The following SCN10A variants were observed in gnomAD, a reference collection of about 807,000 sequenced individuals.
SCN10A encodes the protein sodium voltage-gated channel alpha subunit 10.
Under a neutral mutation model 170.7 loss-of-function variants are expected in SCN10A, and 162 were observed. The ratio of observed to expected loss-of-function variants is 0.95; its 90% confidence interval spans 0.84 to 1.08. SCN10A has a LOEUF of 1.08. Among genes scored for constraint, SCN10A ranks in the 50% least tolerant of loss-of-function variants. The probability of loss-of-function intolerance (pLI) is 0.00; values close to 1 mark genes in which losing one functional copy is unlikely to be tolerated. For synonymous variants in SCN10A, 985 were observed against 904.6 expected, an observed-to-expected ratio of 1.09 and a Z score of -1.59; for missense variants, 2,527 against 2,436.9, an observed-to-expected ratio of 1.04 and a Z score of -0.78.
At chr3:38,719,427 TC>T (rs1323395773) in intron 20 of SCN10A, among the ~76,000 whole-genome samples, 1 of 121,012 alleles carries the variant, frequency 8.3e-6, no homozygotes, top group Non-Finnish European at 1.6e-5. Flanking sequence ...GGAGTCTCGC[TC>T]TGTCGCCCAG....
rs62242430 is a variant in SCN10A, at chr3:38,712,685, T to C, written c.3805-240A>G. ...TTCAGGGTGGGTTGCAGTGAGAAGA[T>C]GGATGAGTTTACAAGCATACTGCAC... On this transcript the variant is annotated intron_variant, in intron 22 of 27. Coordinates refer to ENST00000449082, the MANE Select transcript of SCN10A (RefSeq NM_006514.4). Among the ~76,000 whole-genome samples, 38,676 of 152,154 alleles carry C rather than the reference T, an allele frequency of 0.25. 5,089 individuals are homozygous for C. The highest frequency in any genetic ancestry group is 0.41 in the East Asian group (2,110 of 5,176).
chr3:38,744,445 TTTTA>T (rs148504740), intron 13 of SCN10A, among the ~76,000 whole-genome samples: 24,167 of 151,930 alleles, frequency 0.16, 2,741 homozygotes, highest in African/African-American at 0.3. Context: ...TCAGTAGTAT[TTTTA>T]TTTGTTTTCT....
chr3:38,732,858 T>C (rs544786609), intron 15 of SCN10A, among the ~76,000 whole-genome samples: 59 of 152,248 alleles, frequency 3.9e-4, no homozygotes, highest in African/African-American at 1.4e-3. Context: ...TAAAAGAAAA[T>C]ATAATCCAGA....
chr3:38,748,131 A>T (rs1398457658), intron 13 of SCN10A, among the ~76,000 whole-genome samples: 2 of 152,224 alleles, frequency 1.3e-5, no homozygotes, highest in Non-Finnish European at 2.9e-5. Flanking sequence ...GTTTGTATTC[A>T]ATGTTTGCTG....
Position 38,707,401 on chromosome 3 carries a change from C to T in SCN10A, c.4282-18G>A, listed in dbSNP as rs1294971985. 1.2e-6 allele frequency: 2 copies of T among 1,613,028 alleles called. No homozygotes were observed. Among genetic ancestry groups the T allele is most frequent in the Non-Finnish European group, 1.7e-6 (2 of 1,179,034 alleles). Reference sequence around the variant, plus strand: ...CCCCCTAAGTGCAGAGAGGGCCACACTGTTACTAAAGCAAGAGGAACCCCC... The same window carrying T: ...CCCCCTAAGTGCAGAGAGGGCCACATTGTTACTAAAGCAAGAGGAACCCCC... On this transcript the variant is annotated intron_variant, in intron 25 of 27. Transcript: ENST00000449082.
At position 38,793,734 on chromosome 3, in the gene SCN10A, C is replaced by T. The variant is rs765055750; in HGVS notation, c.270+7G>A. 2.5e-6 allele frequency: 4 copies of T among 1,610,870 alleles called. No homozygotes were observed. Among genetic ancestry groups the T allele is most frequent in the Non-Finnish European group, 3.4e-6 (4 of 1,177,814 alleles). Reference sequence around the variant, plus strand: ...TGAGAGCAGACATTCCTACTAGTAGCTCTTACCCGGTGTGTGCTGTAGAAC... The same window carrying T: ...TGAGAGCAGACATTCCTACTAGTAGTTCTTACCCGGTGTGTGCTGTAGAAC... On this transcript the variant is annotated splice_region_variant and intron_variant, in intron 2 of 27. Transcript: ENST00000449082.
In SCN10A at chr3:38,712,359, G is replaced by A; in HGVS notation, c.3891C>T (p.Ile1297=). The part of the protein sequence containing the change: ...VCLIFWLIFS[I]MGVNLFAGKF... ...TCCCTGCGAAGAGGTTCACACCCAT[G>A]ATGCTGAAGATGAGCCAGAAGATGA... Residue 1297 remains isoleucine (I), a synonymous_variant, in exon 23 of 28, where the codon ATC becomes ATT. Coordinates refer to ENST00000449082, the MANE Select transcript of SCN10A (RefSeq NM_006514.4). 1 of 1,614,214 alleles carries A rather than the reference G, an allele frequency of 6.2e-7. No individual in the cohort carries two copies. Among genetic ancestry groups the A allele is most frequent in the Non-Finnish European group, 8.5e-7 (1 of 1,180,036 alleles).
intron 13 of SCN10A, among the ~76,000 whole-genome samples, chr3:38,744,159 T>TATGTGC (rs1206333538): frequency 5.3e-5 from 8 of 152,238 alleles, no homozygotes; most frequent in African/African-American, 1.9e-4. Flanking sequence ...GTAGTGTGTG[T>TATGTGC]ATGTGCATGC....
At chr3:38,770,776 C>T (rs572847858) in intron 5 of SCN10A, among the ~76,000 whole-genome samples, 35 of 152,252 alleles carry the variant, frequency 2.3e-4, no homozygotes, top group African/African-American at 8.2e-4. Context: ...TTCTTTCATC[C>T]TGTGACCCCT....
At chr3:38,786,893 A>G (rs2064211439) in intron 4 of SCN10A, among the ~76,000 whole-genome samples, 1 of 152,158 alleles carries the variant, frequency 6.6e-6, no homozygotes, top group South Asian at 2.1e-4. Context: ...TCTTACACCA[A>G]TGGCACACTG....
intron 12 of SCN10A, among the ~76,000 whole-genome samples, chr3:38,750,388 G>A (rs1477241895): frequency 1.3e-5 from 2 of 152,180 alleles, no homozygotes; most frequent in Non-Finnish European, 2.9e-5. Context: ...AAATGCTATA[G>A]CCTTCTATAC....
chr3:38,714,200 C>T, intron 21 of SCN10A, 120 bp from the exon 22 acceptor site: 1 of 1,214,332 alleles, frequency 8.2e-7, no homozygotes, highest in Non-Finnish European at 1.2e-6. Flanking sequence ...ATCATCCTAG[C>T]TCCCACCTTA....
chr3:38,804,261 C>A (rs2064392713), intron 1 of SCN10A, among the ~76,000 whole-genome samples: 1 of 152,074 alleles, frequency 6.6e-6, no homozygotes, highest in Admixed American at 6.6e-5. Flanking sequence ...ATATTCTCTT[C>A]ATGTTTATAA....
intron 1 of SCN10A, among the ~76,000 whole-genome samples, chr3:38,808,633 G>T (rs1173704794): frequency 6.6e-6 from 1 of 152,206 alleles, no homozygotes; most frequent in Non-Finnish European, 1.5e-5. Flanking sequence ...GAATCGTCAT[G>T]AATGTGCACT....
rs754113034 is a variant in SCN10A at position 38,757,071 on chromosome 3, G to C, written c.1039C>G (p.Leu347Val). ...TSFDSFAWAF[L>V]SLFRLMTQDS... ...TGTGTCATGAGGCGGAACAGTGAGAGGAAAGCCCAAGCAAAGGAATCAAAG... is the reference window on the plus strand; with the variant it reads ...TGTGTCATGAGGCGGAACAGTGAGACGAAAGCCCAAGCAAAGGAATCAAAG... The change falls in exon 9 of 28, where the codon CTC becomes GTC. Residue 347 changes from leucine to valine, a missense_variant. Physicochemically the swap from Leu to Val is conservative, Grantham distance 32. Transcript: ENST00000449082. The C allele has an allele frequency of 1.2e-6, 2 of 1,613,870 alleles. No homozygotes were observed. The highest frequency in any genetic ancestry group is 3.3e-5 in the Admixed American group (2 of 59,994).
At chr3:38,794,168 C>T in intron 1 of SCN10A, 126 bp from the exon 2 acceptor site, 1 of 667,628 alleles carries the variant, frequency 1.5e-6, no homozygotes. Context: ...CCTCCCTGAA[C>T]TCACACTTGG....
At chr3:38,715,994 G>C (rs532741358) in intron 21 of SCN10A, among the ~76,000 whole-genome samples, 1 of 152,232 alleles carries the variant, frequency 6.6e-6, no homozygotes, top group Non-Finnish European at 1.5e-5. Flanking sequence ...AAAAGTTGAA[G>C]GGTGATTGCA....
In SCN10A at chr3:38,697,461, GA is replaced by G. The variant is rs780569370; in HGVS notation, c.5758del (p.Ser1920ProfsTer15). 6.2e-7 allele frequency: 1 copy of G among 1,614,190 alleles called. No homozygotes were observed. Among genetic ancestry groups the G allele is most frequent in the South Asian group, 1.1e-5 (1 of 91,082 alleles). On this transcript the variant is annotated frameshift_variant, in exon 28 of 28. Transcript: ENST00000449082. LOFTEE classifies it high-confidence loss of function. ...ETASATSFPP[S>X]YESVTRGLSD... is the part of the protein sequence containing the mutation. Reference sequence around the variant, plus strand: ...AAGGCCTCTAGTGACACTCTCATAGGACGGTGGGAATGATGTGGCAGAAGCA... The same window carrying G: ...AAGGCCTCTAGTGACACTCTCATAGGCGGTGGGAATGATGTGGCAGAAGCA...
chr3:38,748,885 A>G (rs9816817), intron 13 of SCN10A, among the ~76,000 whole-genome samples: 37,419 of 152,062 alleles, frequency 0.25, 4,804 homozygotes, highest in African/African-American at 0.29. Context: ...ATCCTACCCC[A>G]AGATACCTGA....
Sources: allele counts gnomAD v4.1 joint callset (sites outside exome capture counted in the v4.1 genomes callset), GRCh38; gene constraint gnomAD v4.1.1; transcripts MANE v1.5; gene names NCBI Gene and HGNC (gene_info 2026-07-23, HGNC 2026-07-21).